The following POLR2D variants were observed in gnomAD, a reference collection of about 807,000 sequenced individuals.
POLR2D encodes RNA polymerase II subunit D.
In POLR2D, 10 loss-of-function variants were observed where a neutral mutation model predicts 17.6. The observed-to-expected ratio is 0.57, with a 90% CI of 0.35 to 0.96. The LOEUF (loss-of-function observed/expected upper bound fraction) is 0.96. Ranked by LOEUF, POLR2D falls within the 40% of genes least tolerant of loss-of-function variation. POLR2D has a pLI of 0.02. For synonymous variants in POLR2D, 52 were observed against 60.2 expected (o/e 0.86, Z 0.63); for missense variants, 126 against 176.4 (o/e 0.71, Z 1.62).
chr2:127,857,808 G>A (rs1398715048), intron 1 of POLR2D: 5 of 1,310,950 alleles, frequency 3.8e-6, no homozygotes, highest in East Asian at 3.2e-5. Flanking sequence ...ACAGGTCCCC[G>A]GAACTTCGCA....
intron 1 of POLR2D, among the ~76,000 whole-genome samples, chr2:127,855,796 C>T (rs1044582781): frequency 3.8e-5 from 5 of 132,122 alleles, no homozygotes; most frequent in Admixed American, 2.8e-4. Context: ...CGCACACGCG[C>T]GCACATACAC....
At chr2:127,850,758 C>A in intron 2 of POLR2D, 73 bp from the exon 3 acceptor site, 2 of 781,906 alleles carry the variant, frequency 2.6e-6, no homozygotes, top group South Asian at 1.6e-5. Context: ...GAGTAATCAA[C>A]AGGAAAAAAG....
At position 127,846,900 on chromosome 2, in the gene POLR2D, T is replaced by C. The variant is rs944978608; in HGVS notation, c.*1207A>G. 6.5e-6 allele frequency: 1 copy of C among 152,982 alleles called. No homozygotes were observed. The highest frequency in any genetic ancestry group is 2.4e-5 in the African/African-American group (1 of 41,434). 9.5% of individuals were successfully genotyped at this position (152,982 alleles called of 1,614,324 possible). Reference sequence around the variant, plus strand: ...ATCCAGCCTGGGAAGTACACAGGCGTCAAGGATGCTCATTTCAGAAACATC... The same window carrying C: ...ATCCAGCCTGGGAAGTACACAGGCGCCAAGGATGCTCATTTCAGAAACATC... On this transcript the variant is annotated 3_prime_UTR_variant, in exon 4 of 4. Transcript: ENST00000272645.
intron 1 of POLR2D, among the ~76,000 whole-genome samples, chr2:127,854,211 G>A (rs1573520626): frequency 2.6e-5 from 4 of 152,128 alleles, no homozygotes. Flanking sequence ...CATAATATAC[G>A]GCGACCTTCT....
intron 1 of POLR2D, 106 bp from the exon 2 acceptor site, chr2:127,853,211 G>T: frequency 1.1e-6 from 1 of 906,996 alleles, no homozygotes. Context: ...AGAAATCGAG[G>T]GGTTTCCTAC....
chr2:127,853,576 A>G (rs1690284304), intron 1 of POLR2D, among the ~76,000 whole-genome samples: 1 of 151,736 alleles, frequency 6.6e-6, no homozygotes, highest in South Asian at 2.1e-4. Context: ...TTTTTGAGAC[A>G]GAGTCTCAAT....
intron 1 of POLR2D, among the ~76,000 whole-genome samples, chr2:127,854,356 T>G (rs1690297086): frequency 6.6e-6 from 1 of 152,246 alleles, no homozygotes; most frequent in African/African-American, 2.4e-5. Flanking sequence ...TGCCTTTCTC[T>G]TAACAGTGAG....
rs1297508334 is a variant in POLR2D at position 127,846,390 on chromosome 2, G to T, written c.*1717C>A. 6.6e-6 allele frequency: 1 copy of T among 152,068 alleles called. No homozygotes were observed. The highest frequency in any genetic ancestry group is 1.5e-5 in the Non-Finnish European group (1 of 68,036). The allele number at this position is 152,068 out of a possible 1,614,324, so 9.4% of individuals were successfully genotyped here. A position where few individuals can be genotyped will look rare whatever the true frequency, so the allele number is the denominator to read the frequency against. Reference sequence around the variant, plus strand: ...CACAAGTTCATACAGAGTCAAGCAAGTGCCCCAAAGAAAAACCCCAAAATT... The same window carrying T: ...CACAAGTTCATACAGAGTCAAGCAATTGCCCCAAAGAAAAACCCCAAAATT... On this transcript the variant is annotated 3_prime_UTR_variant, in exon 4 of 4. Coordinates refer to ENST00000272645, the MANE Select transcript of POLR2D (RefSeq NM_004805.4).
At position 127,854,254 on chromosome 2, in the gene POLR2D, G is replaced by A. The variant is rs150705983; in HGVS notation, c.74-1149C>T. Among the ~76,000 whole-genome samples, 1,095 of 152,280 alleles carry A rather than the reference G, an allele frequency of 7.2e-3. 12 individuals are homozygous for A. Among genetic ancestry groups the A allele is most frequent in the African/African-American group, 0.024 (1,010 of 41,546 alleles). Reference sequence around the variant, plus strand: ...TACAATAGTTCTGTTAAAAAATGCTGTTACCCTTGGGAAAATCATTCTCTC... The same window carrying A: ...TACAATAGTTCTGTTAAAAAATGCTATTACCCTTGGGAAAATCATTCTCTC... On this transcript the variant is annotated intron_variant, in intron 1 of 3. Transcript: ENST00000272645.
At position 127,845,042 on chromosome 2, in the gene POLR2D, G is replaced by C. The variant is rs1690128544; in HGVS notation, c.*3065C>G. 1 of 152,136 alleles carries C rather than the reference G, an allele frequency of 6.6e-6. No individual in the cohort carries two copies. The highest frequency in any genetic ancestry group is 2.4e-5 in the African/African-American group (1 of 41,420). The allele number at this position is 152,136 out of a possible 1,614,324, so 9.4% of individuals were successfully genotyped here. ...ATGTGCCAGAGCATTATATACTTCA[G>C]TATTCTCAGGTAGCTCACAGAACCC... is the stretch of plus-strand genomic sequence containing the variant. On this transcript the variant is annotated 3_prime_UTR_variant, in exon 4 of 4. Coordinates refer to ENST00000272645, the MANE Select transcript of POLR2D (RefSeq NM_004805.4).
chr2:127,856,541 C>T (rs1185303131), intron 1 of POLR2D, among the ~76,000 whole-genome samples: 6 of 150,706 alleles, frequency 4.0e-5, no homozygotes, highest in Non-Finnish European at 1.5e-5. Context: ...GAGCCGAGAT[C>T]ACATCACTGC....
chr2:127,854,678 C>G (rs965309654), intron 1 of POLR2D, among the ~76,000 whole-genome samples: 3 of 152,154 alleles, frequency 2.0e-5, no homozygotes, highest in South Asian at 4.1e-4. Flanking sequence ...GCTGCCAATA[C>G]AGTTGGAGCA....
chr2:127,855,223 T>C (rs1039817715), intron 1 of POLR2D, among the ~76,000 whole-genome samples: 1 of 151,772 alleles, frequency 6.6e-6, no homozygotes, highest in Non-Finnish European at 1.5e-5. Flanking sequence ...TGAAACCCCA[T>C]CTCTACTAAA....
rs76109896 is a variant in POLR2D, at chr2:127,844,107, C to CAAAAAAAAAAAAAAAAA, written c.*3983_*3999dup. The CAAAAAAAAAAAAAAAAA allele has an allele frequency of 4.5e-4, 31 of 69,464 alleles. 4 individuals are homozygous for CAAAAAAAAAAAAAAAAA. Among genetic ancestry groups the CAAAAAAAAAAAAAAAAA allele is most frequent in the African/African-American group, 1.5e-3 (24 of 15,650 alleles). 4.3% of individuals were successfully genotyped at this position (69,464 alleles called of 1,614,324 possible). ...CGACAGAGCAAGATCCTGCTGTATCCAAAAAAAAAAAAAAAAAAAGCCTGG... is the reference window on the plus strand; with the variant it reads ...CGACAGAGCAAGATCCTGCTGTATCCAAAAAAAAAAAAAAAAAAAAAAAAAAAAAAAAAAAAGCCTGG... On this transcript the variant is annotated 3_prime_UTR_variant, in exon 4 of 4. Coordinates refer to ENST00000272645, the MANE Select transcript of POLR2D (RefSeq NM_004805.4).
chr2:127,855,712 G>C (rs1690316187), intron 1 of POLR2D, among the ~76,000 whole-genome samples: 2 of 152,194 alleles, frequency 1.3e-5, no homozygotes, highest in Admixed American at 1.3e-4. Flanking sequence ...AGACACTTTT[G>C]TGTAACTATG....
intron 3 of POLR2D, among the ~76,000 whole-genome samples, chr2:127,850,333 G>A (rs1233077275): frequency 5.3e-5 from 8 of 151,174 alleles, no homozygotes; most frequent in African/African-American, 1.5e-4. Context: ...CCAGCTACTC[G>A]GGAGGCTGAG....
In POLR2D at chr2:127,847,634, A is replaced by G. The variant is rs1388389899; in HGVS notation, c.*473T>C. The G allele has an allele frequency of 7.9e-6, 1 of 126,570 alleles. No homozygotes were observed. The highest frequency in any genetic ancestry group is 7.9e-5 in the Admixed American group (1 of 12,708). The allele number at this position is 126,570 out of a possible 1,614,324, so 7.8% of individuals were successfully genotyped here. ...AAGAGTTAAGACCCTATCTCCATTT[A>G]AAAAAAAAAAAAAAAAGCATTTCAA... On this transcript the variant is annotated 3_prime_UTR_variant, in exon 4 of 4. Coordinates refer to ENST00000272645, the MANE Select transcript of POLR2D (RefSeq NM_004805.4).
chr2:127,858,101 C>A lies in POLR2D; in HGVS notation c.-1G>T. 2.7e-6 allele frequency: 4 copies of A among 1,473,086 alleles called. No individual in the cohort carries two copies. The highest frequency in any genetic ancestry group is 1.3e-5 in the South Asian group (1 of 76,244). 91.3% of individuals were successfully genotyped at this position (1,473,086 alleles called of 1,614,324 possible). A position where few individuals can be genotyped will look rare whatever the true frequency, so the allele number is the denominator to read the frequency against. On this transcript the variant is annotated 5_prime_UTR_variant, in exon 1 of 4. Coordinates refer to ENST00000272645, the MANE Select transcript of POLR2D (RefSeq NM_004805.4). ...GCGGATCGCTGCCACCCGCCGCCATCGCCGCGCCGCGCCGCGCGCCACCAC... is the reference window on the plus strand; with the variant it reads ...GCGGATCGCTGCCACCCGCCGCCATAGCCGCGCCGCGCCGCGCGCCACCAC...
rs1240409947 is a variant in POLR2D, at chr2:127,853,001, C to T, written c.178G>A (p.Val60Ile). ...SAEDEQELSEVFMKTLNYTAR... is the reference protein window; with the variant it reads ...SAEDEQELSEIFMKTLNYTAR... ...GTGTAGTTTAATGTTTTCATGAAGACTTCTGAGAGCTCCTGTTCGTCCTCT... is the reference window on the plus strand; with the variant it reads ...GTGTAGTTTAATGTTTTCATGAAGATTTCTGAGAGCTCCTGTTCGTCCTCT... Residue 60 changes from valine to isoleucine, a missense_variant, in exon 2 of 4, where the codon GTC becomes ATC. Val to Ile is a conservative substitution (Grantham distance 29). This residue lies in a region of POLR2D where 85 missense variants were observed against 151.4 expected (regional missense o/e 0.56). Transcript: ENST00000272645. 6.2e-7 allele frequency: 1 copy of T among 1,613,676 alleles called. No individual in the cohort carries two copies. Among genetic ancestry groups the T allele is most frequent in the East Asian group, 2.2e-5 (1 of 44,894 alleles).
Sources: allele counts gnomAD v4.1 joint callset (sites outside exome capture counted in the v4.1 genomes callset), GRCh38; gene constraint gnomAD v4.1.1; regional missense constraint gnomAD v4.1.1; transcripts MANE v1.5; gene names NCBI Gene and HGNC (gene_info 2026-07-23, HGNC 2026-07-21).